SEM1: variants seen among roughly 807,000 people sequenced by gnomAD.
SEM1 encodes the protein SEM1 26S proteasome subunit.
Under a neutral mutation model 12.7 loss-of-function variants are expected in SEM1, and 3 were observed. The observed-to-expected ratio is 0.24, with a 90% CI of 0.11 to 0.61. SEM1 has a LOEUF of 0.61. Ranked by LOEUF, SEM1 falls within the 20% of genes least tolerant of loss-of-function variation. The pLI, the probability that SEM1 is intolerant of heterozygous loss-of-function variation, is 0.88. For missense variants in SEM1, 59 were observed against 81.3 expected (o/e 0.73, Z 1.06); for synonymous variants, 30 against 27.8 (o/e 1.08, Z -0.25).
chr7:96,509,588 G>A (rs1194122989), intron 2 of SEM1, among the ~76,000 whole-genome samples: 1 of 152,004 alleles, frequency 6.6e-6, no homozygotes, highest in African/African-American at 2.4e-5. Flanking sequence ...CTACAATTTG[G>A]ACATCCATGT....
chr7:96,537,362 CT>C (rs1383987584), intron 2 of SEM1, among the ~76,000 whole-genome samples: 1 of 151,632 alleles, frequency 6.6e-6, no homozygotes, highest in Non-Finnish European at 1.5e-5. Context: ...TACTTTGACA[CT>C]TCTGTTTTCT....
intron 2 of SEM1, among the ~76,000 whole-genome samples, chr7:96,598,666 G>A (rs1187301997): frequency 1.3e-5 from 2 of 152,084 alleles, no homozygotes; most frequent in Non-Finnish European, 2.9e-5. Flanking sequence ...TTCTCTGGGA[G>A]GAAAATGGGC....
intron 2 of SEM1, among the ~76,000 whole-genome samples, chr7:96,647,061 T>A (rs975451614): frequency 2.6e-5 from 4 of 152,168 alleles, no homozygotes; most frequent in Non-Finnish European, 4.4e-5. Context: ...TATTGAGAAG[T>A]TTACAAAGCA....
chr7:96,578,214 A>T (rs942203775), intron 2 of SEM1, among the ~76,000 whole-genome samples: 2 of 152,074 alleles, frequency 1.3e-5, no homozygotes, highest in African/African-American at 2.4e-5. Flanking sequence ...TGACATTGAG[A>T]ATTTTGCAGA....
chr7:96,673,502 T>C (rs1045327159), exon 3 of SEM1: 5 of 445,654 alleles, frequency 1.1e-5, no homozygotes, highest in East Asian at 7.1e-5. Flanking sequence ...GCCCCTGTTA[T>C]GTAGCTACAG....
At chr7:96,698,379 G>T (rs559394659) in intron 1 of SEM1, among the ~76,000 whole-genome samples, 2 of 151,880 alleles carry the variant, frequency 1.3e-5, no homozygotes, top group South Asian at 2.1e-4. Context: ...AGTCCCACAC[G>T]AATTAAGTAT....
chr7:96,667,411 T>A (rs377001394), intron 2 of SEM1, among the ~76,000 whole-genome samples: 1 of 152,152 alleles, frequency 6.6e-6, no homozygotes, highest in East Asian at 1.9e-4. Flanking sequence ...TCAAATGGGG[T>A]AATTTTTCCT....
intron 2 of SEM1, among the ~76,000 whole-genome samples, chr7:96,534,002 T>C (rs1804716108): frequency 6.6e-6 from 1 of 152,070 alleles, no homozygotes; most frequent in African/African-American, 2.4e-5. Flanking sequence ...ATGAGAGGTA[T>C]ACGTAAAGCA....
intron 2 of SEM1, among the ~76,000 whole-genome samples, chr7:96,571,545 T>G (rs1310566288): frequency 1.3e-5 from 2 of 151,612 alleles, no homozygotes; most frequent in Non-Finnish European, 2.9e-5. Context: ...AGGCATCTGT[T>G]CTGTGTGTGT....
intron 2 of SEM1, among the ~76,000 whole-genome samples, chr7:96,690,731 C>T (rs1789905541): frequency 6.6e-6 from 1 of 152,152 alleles, no homozygotes. Context: ...AGCTTTATGA[C>T]AATGGCTATA....
chr7:96,685,783 T>TAA (rs529595521), downstream of SEM1, among the ~76,000 whole-genome samples: 57 of 118,314 alleles, frequency 4.8e-4, no homozygotes, highest in South Asian at 1.1e-3. Context: ...CATGGCTCAG[T>TAA]AAAAAAAAAA....
At chr7:96,701,955 G>A (rs1790285955) in intron 1 of SEM1, among the ~76,000 whole-genome samples, 1 of 152,050 alleles carries the variant, frequency 6.6e-6, no homozygotes, top group Non-Finnish European at 1.5e-5. Flanking sequence ...GGGGCAGCAT[G>A]GTGTGGCTGG....
At chr7:96,670,946 T>G (rs1789298459), downstream of SEM1, among the ~76,000 whole-genome samples, 1 of 152,216 alleles carries the variant, frequency 6.6e-6, no homozygotes. Flanking sequence ...GTAGCTTGCC[T>G]CATGGAGATA....
intron 2 of SEM1, chr7:96,649,608 AT>A (rs1808904995): frequency 6.6e-6 from 1 of 152,232 alleles, no homozygotes; most frequent in African/African-American, 2.4e-5. Flanking sequence ...CCAACAATAT[AT>A]GAAGTCATGG....
intron 2 of SEM1, among the ~76,000 whole-genome samples, chr7:96,537,588 A>T (rs7797827): frequency 0.11 from 17,094 of 151,332 alleles, 943 homozygotes; most frequent in South Asian, 0.14. Context: ...TTTTACTTGC[A>T]TGGTTTTCAA....
intron 2 of SEM1, among the ~76,000 whole-genome samples, chr7:96,582,394 C>T (rs200091740): frequency 0.34 from 48,629 of 145,144 alleles, 8,240 homozygotes; most frequent in Admixed American, 0.44. Context: ...TTGAGGATTT[C>T]TGCATCAATG....
chr7:96,633,522 A>G (rs1029671600), intron 2 of SEM1, among the ~76,000 whole-genome samples: 4 of 152,218 alleles, frequency 2.6e-5, no homozygotes, highest in South Asian at 2.1e-4. Context: ...AGGCAATATT[A>G]TAACATTCCT....
downstream of SEM1, among the ~76,000 whole-genome samples, chr7:96,670,323 G>T (rs547782497): frequency 1.1e-3 from 161 of 152,096 alleles, no homozygotes; most frequent in African/African-American, 3.8e-3. Context: ...TAATCTTAAG[G>T]CTTACTTAGC....
At chr7:96,579,350 G>A (rs1236366679) in intron 2 of SEM1, among the ~76,000 whole-genome samples, 1 of 152,186 alleles carries the variant, frequency 6.6e-6, no homozygotes, top group Non-Finnish European at 1.5e-5. Context: ...GCTTGTTTAT[G>A]GCTTTCTAAA....
Sources: gnomAD v4.1 joint callset for allele counts (sites outside exome capture counted in the v4.1 genomes callset) on GRCh38, gnomAD v4.1.1 for gene constraint, MANE v1.5 for transcripts, NCBI Gene and HGNC (gene_info 2026-07-23, HGNC 2026-07-21) for gene names.